SNX4: variants seen among roughly 807,000 people sequenced by gnomAD.
SNX4 encodes sorting nexin 4.
In SNX4, 49 loss-of-function variants were observed where a neutral mutation model predicts 70.8. That is an observed-to-expected ratio of 0.69 (90% CI 0.55 to 0.88). The LOEUF is 0.88. Ranked by LOEUF, SNX4 falls within the 40% of genes least tolerant of loss-of-function variation. The pLI is 0.00. For missense variants in SNX4, 528 were observed against 544.8 expected (o/e 0.97, Z 0.31); for synonymous variants, 206 against 183.8 (o/e 1.12, Z -0.98).
intron 2 of SNX4, among the ~76,000 whole-genome samples, chr3:125,499,338 G>A (rs1041310845): frequency 6.6e-6 from 1 of 151,998 alleles, no homozygotes; most frequent in African/African-American, 2.4e-5. Flanking sequence ...TTGTACATTA[G>A]GACAAAAAGT....
rs202219407 is a variant in SNX4 at position 125,495,283 on chromosome 3, T to TAC, written c.597+2056_597+2057dup. On this transcript the variant is annotated intron_variant, in intron 5 of 13. Coordinates refer to ENST00000251775, the MANE Select transcript of SNX4 (RefSeq NM_003794.4). ...ATATATATATATATATATATACACA[T>TAC]ACACACACACACACGTATGTTATTT... is the stretch of plus-strand genomic sequence containing the variant. Among the ~76,000 whole-genome samples the TAC allele has an allele frequency of 3.0e-4, 26 of 87,816 alleles. 1 individual carries two copies. The South Asian group carries it at 3.8e-3, about 13-fold the overall frequency. 57.6% of individuals were successfully genotyped at this position (87,816 alleles called of 152,430 possible). A position where few individuals can be genotyped will look rare whatever the true frequency, so the allele number is the denominator to read the frequency against.
chr3:125,502,600 G>A lies in SNX4; in HGVS notation c.263+2023C>T, dbSNP rs571926663. On this transcript the variant is annotated intron_variant, in intron 2 of 13. Transcript: ENST00000251775. ...AAAGTATTAACATTGGCCGGATGCG[G>A]TGGCTCGTGCCTGTAATCCCAGCAC... Among the ~76,000 whole-genome samples the A allele has an allele frequency of 5.9e-5, 9 of 152,000 alleles. No homozygotes were observed. The East Asian group carries it at 1.6e-3, about 26-fold the overall frequency.
intron 9 of SNX4, among the ~76,000 whole-genome samples, chr3:125,468,246 G>A (rs1306414334): frequency 6.6e-6 from 1 of 152,182 alleles, no homozygotes; most frequent in African/African-American, 2.4e-5. Flanking sequence ...CCTACTTAAG[G>A]GTGGAGGTTA....
chr3:125,459,336 A>G (rs906532292), intron 10 of SNX4, among the ~76,000 whole-genome samples: 2 of 152,256 alleles, frequency 1.3e-5, no homozygotes, highest in Admixed American at 1.3e-4. Context: ...AATGGTTCCT[A>G]CATCTTTTCT....
At chr3:125,505,247 G>A (rs1222251661) in intron 1 of SNX4, among the ~76,000 whole-genome samples, 1 of 152,182 alleles carries the variant, frequency 6.6e-6, no homozygotes, top group Non-Finnish European at 1.5e-5. Flanking sequence ...TGGGATTATA[G>A]GCATGAGCCA....
chr3:125,446,656 CAAT>C lies in SNX4; in HGVS notation c.*1120_*1122del, dbSNP rs1294532803. The C allele has an allele frequency of 6.6e-6, 1 of 152,436 alleles. No individual in the cohort carries two copies. Among genetic ancestry groups the C allele is most frequent in the Non-Finnish European group, 1.5e-5 (1 of 68,012 alleles). 9.4% of individuals were successfully genotyped at this position (152,436 alleles called of 1,614,324 possible). ...AACAAAAATCATCTGAAAATCAGCA[CAAT>C]ATTTCATTTATTTATTGTATAAGTT... On this transcript the variant is annotated 3_prime_UTR_variant, in exon 14 of 14. Transcript: ENST00000251775.
chr3:125,452,475 G>A (rs537388816), intron 12 of SNX4, among the ~76,000 whole-genome samples: 5 of 152,028 alleles, frequency 3.3e-5, no homozygotes, highest in Non-Finnish European at 7.4e-5. Context: ...CCAGTGATTC[G>A]GGAGGCTGAG....
intron 2 of SNX4, among the ~76,000 whole-genome samples, chr3:125,502,924 T>TTTCC (rs112609161): frequency 7.0e-6 from 1 of 143,476 alleles, no homozygotes; most frequent in African/African-American, 2.6e-5. Flanking sequence ...GTAGTTTTTT[T>TTTCC]TTTTTTTCTT....
intron 6 of SNX4, among the ~76,000 whole-genome samples, chr3:125,482,704 T>TTTC (rs1296929159): frequency 6.6e-6 from 1 of 152,068 alleles, no homozygotes; most frequent in Admixed American, 6.6e-5. Context: ...TTAAAAAACT[T>TTTC]TTCACAGTCC....
chr3:125,459,597 T>C (rs1305981036), intron 10 of SNX4, among the ~76,000 whole-genome samples: 3 of 152,018 alleles, frequency 2.0e-5, no homozygotes, highest in Middle Eastern at 3.2e-3. Flanking sequence ...CCACTATGCC[T>C]GGCTAACTTT....
intron 8 of SNX4, among the ~76,000 whole-genome samples, chr3:125,473,149 G>A (rs533192706): frequency 2.2e-4 from 34 of 152,002 alleles, no homozygotes; most frequent in Non-Finnish European, 4.1e-4. Context: ...TGAGCACAGC[G>A]CCCAATAGTT....
At chr3:125,473,411 A>AT (rs912949366) in intron 8 of SNX4, among the ~76,000 whole-genome samples, 13 of 151,180 alleles carry the variant, frequency 8.6e-5, no homozygotes, top group African/African-American at 3.2e-4. Context: ...TCTAAACTCA[A>AT]TTCTCTTTTT....
intron 8 of SNX4, 50 bp downstream of exon 8, chr3:125,476,645 G>T: frequency 9.7e-7 from 1 of 1,033,752 alleles, no homozygotes; most frequent in Non-Finnish European, 1.5e-6. Flanking sequence ...TTGTTTTCAG[G>T]CAAAAAGGTA....
intron 5 of SNX4, among the ~76,000 whole-genome samples, chr3:125,493,299 A>C (rs1299664434): frequency 6.6e-6 from 1 of 152,130 alleles, no homozygotes; most frequent in Non-Finnish European, 1.5e-5. Context: ...AATGTCAATA[A>C]CCAGTAATGA....
At chr3:125,455,329 T>TA (rs1305529315) in intron 11 of SNX4, among the ~76,000 whole-genome samples, 10 of 152,148 alleles carry the variant, frequency 6.6e-5, no homozygotes, top group East Asian at 3.8e-4. Context: ...CTTTATGTTA[T>TA]AAAAAAAGTC....
intron 9 of SNX4, among the ~76,000 whole-genome samples, chr3:125,468,851 T>TA (rs58480078): frequency 0.036 from 4,819 of 133,986 alleles, 174 homozygotes; most frequent in African/African-American, 0.08. Context: ...CTAGTCTCTT[T>TA]AAAAAAAAAA....
intron 6 of SNX4, among the ~76,000 whole-genome samples, chr3:125,482,682 CTG>C (rs1321605183): frequency 2.0e-5 from 3 of 152,014 alleles, no homozygotes. Flanking sequence ...AGTTCAAACT[CTG>C]TAATGTGGCT....
In SNX4 at chr3:125,476,697, G is replaced by GA. The variant is rs1283476322; in HGVS notation, c.785dup (p.Ser263GlnfsTer2). On this transcript the variant is annotated frameshift_variant, in exon 8 of 14. Coordinates refer to ENST00000251775, the MANE Select transcript of SNX4 (RefSeq NM_003794.4). LOFTEE classifies it high-confidence loss of function. ...TTTAAAGTTTGTATGATGCTTACCTGAAAACTCGACCATAATTCCCATGTA... is the reference window on the plus strand; with the variant it reads ...TTTAAAGTTTGTATGATGCTTACCTGAAAAACTCGACCATAATTCCCATGTA... 1 of 1,581,538 alleles carries GA rather than the reference G, an allele frequency of 6.3e-7. No homozygotes were observed. Among genetic ancestry groups the GA allele is most frequent in the Non-Finnish European group, 8.7e-7 (1 of 1,153,604 alleles).
chr3:125,502,188 C>T (rs1934943199), intron 2 of SNX4, among the ~76,000 whole-genome samples: 1 of 151,968 alleles, frequency 6.6e-6, no homozygotes, highest in African/African-American at 2.4e-5. Flanking sequence ...AACAAAAAAA[C>T]AGAAACAAAA....
Sources: gnomAD v4.1 joint callset for allele counts (sites outside exome capture counted in the v4.1 genomes callset) on GRCh38, gnomAD v4.1.1 for gene constraint, MANE v1.5 for transcripts, NCBI Gene and HGNC (gene_info 2026-07-23, HGNC 2026-07-21) for gene names.